Variants in EIF5 observed in about 807,000 individuals in gnomAD.
EIF5 encodes the protein eukaryotic translation initiation factor 5.
A neutral mutation model predicts 48.3 loss-of-function variants in EIF5; 10 were observed. The ratio of observed to expected loss-of-function variants is 0.21; its 90% CI spans 0.13 to 0.35. EIF5 has a LOEUF of 0.35. EIF5 is among the 10% of genes least tolerant of loss of function. EIF5 has a pLI of 1.00. For missense variants in EIF5, 397 were observed against 533.2 expected (o/e 0.74, Z 2.51); for synonymous variants, 237 against 173.1 (o/e 1.37, Z -2.90).
intron 4 of EIF5, 112 bp downstream of exon 4, chr14:103,336,229 G>A (rs1176847713): frequency 1.8e-6 from 2 of 1,087,482 alleles, no homozygotes; most frequent in African/African-American, 1.6e-5. Flanking sequence ...TACAAGTTAA[G>A]TGAGGAACCG....
In EIF5 at chr14:103,341,338, G is replaced by T; in HGVS notation, c.*286G>T. The T allele has an allele frequency of 4.1e-6, 1 of 243,016 alleles. No homozygotes were observed. Among genetic ancestry groups the T allele is most frequent in the Non-Finnish European group, 8.2e-6 (1 of 122,274 alleles). 15.1% of individuals were successfully genotyped at this position (243,016 alleles called of 1,614,324 possible). The stretch of plus-strand genomic sequence containing the variant: ...ACATTTATACAGTTATAAAAATAAA[G>T]GTTTGATTTTGGTCGTTCTTCAGAT... On this transcript the variant is annotated 3_prime_UTR_variant, in exon 12 of 12. Transcript: ENST00000216554.
Position 103,343,608 on chromosome 14 carries a change from G to A in EIF5, c.*2556G>A, listed in dbSNP as rs1206861075. 1 of 152,188 alleles carries A rather than the reference G, an allele frequency of 6.6e-6. No individual in the cohort carries two copies. Among genetic ancestry groups the A allele is most frequent in the Non-Finnish European group, 1.5e-5 (1 of 68,042 alleles). The allele number at this position is 152,188 out of a possible 1,614,324, so 9.4% of individuals were successfully genotyped here. The stretch of plus-strand genomic sequence containing the variant: ...CCACCGCTTCCCGCTTGAGAAGGGA[G>A]GGGTATCAAAATTGAGCCCCAAGCT... On this transcript the variant is annotated 3_prime_UTR_variant, in exon 12 of 12. Coordinates refer to ENST00000216554, the MANE Select transcript of EIF5 (RefSeq NM_001969.5).
intron 5 of EIF5, 111 bp from the exon 6 acceptor site, chr14:103,337,005 C>A (rs901799164): frequency 1.5e-6 from 2 of 1,342,344 alleles, no homozygotes; most frequent in South Asian, 1.5e-5. Context: ...TAAAGTAGGT[C>A]ACTGTGTGAA....
rs2089281814 is a variant in EIF5, at chr14:103,336,103, A to G, written c.140A>G (p.Asn47Ser). Reference sequence around the variant, plus strand: ...ATGGTTGACGTTGCAAAGGCGCTTAATCGGCCTCCAACGTGTAAGTAAAGC... The same window carrying G: ...ATGGTTGACGTTGCAAAGGCGCTTAGTCGGCCTCCAACGTGTAAGTAAAGC... Reference protein sequence around the residue: ...VNMVDVAKALNRPPTYPTKYF... With the variant: ...VNMVDVAKALSRPPTYPTKYF... Residue 47 changes from asparagine to serine, a missense_variant, in exon 4 of 12, where the codon AAT (asparagine) becomes AGT (serine). Physicochemically the swap from Asn to Ser is conservative, Grantham distance 46. Coordinates refer to ENST00000216554, the MANE Select transcript of EIF5 (RefSeq NM_001969.5). 1 of 1,614,084 alleles carries G rather than the reference A, an allele frequency of 6.2e-7. No individual in the cohort carries two copies. Among genetic ancestry groups the G allele is most frequent in the Admixed American group, 1.7e-5 (1 of 60,004 alleles).
In EIF5 at chr14:103,334,463, G is replaced by C. The variant is rs2089257092; in HGVS notation, c.-343G>C. 1 of 152,522 alleles carries C rather than the reference G, an allele frequency of 6.6e-6. No homozygotes were observed. Among genetic ancestry groups the C allele is most frequent in the African/African-American group, 2.4e-5 (1 of 41,340 alleles). 9.4% of individuals were successfully genotyped at this position (152,522 alleles called of 1,614,324 possible). A position where few individuals can be genotyped will look rare whatever the true frequency, so the allele number is the denominator to read the frequency against. On this transcript the variant is annotated 5_prime_UTR_variant, in exon 2 of 12. Coordinates refer to ENST00000216554, the MANE Select transcript of EIF5 (RefSeq NM_001969.5). ...CAGCCCCTCCCCGCTGCTCGGCGGC[G>C]GCACCTGGCCCGGCCGCTCCTCGCT...
Position 103,340,407 on chromosome 14 carries a change from C to G in EIF5, c.1072-20C>G. 1 of 1,594,198 alleles carries G rather than the reference C, an allele frequency of 6.3e-7. No individual in the cohort carries two copies. Among genetic ancestry groups the G allele is most frequent in the Non-Finnish European group, 8.6e-7 (1 of 1,163,678 alleles). ...TTGTTAAAATTCCTCAACTAAGAGA[C>G]TTGTACTCACATTTTTTAGGCCTCT... On this transcript the variant is annotated intron_variant, in intron 10 of 11. Transcript: ENST00000216554.
intron 11 of EIF5, 92 bp downstream of exon 11, chr14:103,340,653 TG>T: frequency 1.3e-6 from 2 of 1,495,102 alleles, no homozygotes; most frequent in South Asian, 2.6e-5. Context: ...AATGGCAGTT[TG>T]GGGTAATTTC....
intron 6 of EIF5, 98 bp from the exon 7 acceptor site, chr14:103,338,229 T>A: frequency 6.6e-7 from 1 of 1,517,218 alleles, no homozygotes; most frequent in South Asian, 1.3e-5. Flanking sequence ...TCTGAGGGGA[T>A]CCATAGGAAA....
intron 4 of EIF5, 79 bp from the exon 5 acceptor site, chr14:103,336,596 AGT>A (rs2089289790): frequency 2.9e-6 from 4 of 1,365,644 alleles, no homozygotes; most frequent in South Asian, 3.1e-5. Context: ...AAAAAAAAAA[AGT>A]GGTGTTCGTA....
chr14:103,336,145 G>A, intron 4 of EIF5, 28 bp downstream of exon 4: 1 of 1,604,634 alleles, frequency 6.2e-7, no homozygotes, highest in African/African-American at 1.3e-5. Flanking sequence ...AAGTCCACAG[G>A]GCATATTATG....
At chr14:103,335,030 C>T (rs1298457789) in intron 2 of EIF5, 2 of 152,208 alleles carry the variant, frequency 1.3e-5, no homozygotes, top group South Asian at 2.1e-4. Context: ...GGAAACGCCT[C>T]GGAGCGCGGT....
Position 103,338,728 on chromosome 14 carries a change from TAAAC to T in EIF5, c.586-5_586-2del, listed in dbSNP as rs1301419519. Reference sequence around the variant, plus strand: ...CTTTGATCAAGTAGCTCTGTTTTCATAAACAGGAAGAAGAGGAGGATGATGACTG... The same window carrying T: ...CTTTGATCAAGTAGCTCTGTTTTCATAGGAAGAAGAGGAGGATGATGACTG... On this transcript the variant is annotated splice_region_variant and splice_polypyrimidine_tract_variant and intron_variant, in intron 7 of 11. Coordinates refer to ENST00000216554, the MANE Select transcript of EIF5 (RefSeq NM_001969.5). 6.2e-7 allele frequency: 1 copy of T among 1,611,574 alleles called. No homozygotes were observed. The highest frequency in any genetic ancestry group is 1.3e-5 in the African/African-American group (1 of 74,854).
chr14:103,344,780 A>G lies in EIF5; in HGVS notation c.*3728A>G, dbSNP rs2089395017. 6.6e-6 allele frequency: 1 copy of G among 152,260 alleles called. No individual in the cohort carries two copies. The highest frequency in any genetic ancestry group is 2.4e-5 in the African/African-American group (1 of 41,472). The allele number at this position is 152,260 out of a possible 1,614,324, so 9.4% of individuals were successfully genotyped here. On this transcript the variant is annotated 3_prime_UTR_variant, in exon 12 of 12. Transcript: ENST00000216554. ...AAGCAGGGACATCTGAAAGAGACGT[A>G]TTAAGTTAACATTTTTAAAAATCCA...
In EIF5 at chr14:103,339,633, T is replaced by C. The variant is rs72708831; in HGVS notation, c.907-6T>C. The C allele has an allele frequency of 4.5e-3, 7,251 of 1,614,138 alleles. 32 individuals are homozygous for C. Among genetic ancestry groups the C allele is most frequent in the Non-Finnish European group, 4.7e-3 (5,565 of 1,179,994 alleles). ...AGATTGTTAACACCAAGGTGTCTAT[T>C]TGCAGTTTTGTCACAACAACAAAAA... On this transcript the variant is annotated splice_polypyrimidine_tract_variant and splice_region_variant and intron_variant, in intron 9 of 11. Coordinates refer to ENST00000216554, the MANE Select transcript of EIF5 (RefSeq NM_001969.5).
At chr14:103,335,528 C>T (rs984403458) in intron 2 of EIF5, 125 bp from the exon 3 acceptor site, 9 of 361,388 alleles carry the variant, frequency 2.5e-5, no homozygotes, top group South Asian at 3.3e-5. Context: ...TGCATGTGAT[C>T]TCAGATGCTT....
Position 103,336,703 on chromosome 14 carries a change from C to A in EIF5, c.181C>A (p.Leu61Met), listed in dbSNP as rs1214484219. 6.2e-7 allele frequency: 1 copy of A among 1,611,228 alleles called. No individual in the cohort carries two copies. Among genetic ancestry groups the A allele is most frequent in the Non-Finnish European group, 8.5e-7 (1 of 1,179,192 alleles). Residue 61 changes from leucine to methionine, a missense_variant, in exon 5 of 12, where the codon CTG becomes ATG. Coordinates refer to ENST00000216554, the MANE Select transcript of EIF5 (RefSeq NM_001969.5). ...TCCCACCAAATATTTTGGTTGTGAG[C>A]TGGGAGCACAGACCCAGTTTGATGT... The part of the protein sequence containing the change: ...TYPTKYFGCE[L>M]GAQTQFDVKN...
Position 103,343,181 on chromosome 14 carries a change from T to G in EIF5, c.*2129T>G, listed in dbSNP as rs1252311052. On this transcript the variant is annotated 3_prime_UTR_variant, in exon 12 of 12. Transcript: ENST00000216554. ...TAATGATAAAATTGTATTTTGTCTT[T>G]GCTTTAATATTAAAGTTAACAAGTT... The G allele has an allele frequency of 6.6e-6, 1 of 152,660 alleles. No individual in the cohort carries two copies. Among genetic ancestry groups the G allele is most frequent in the East Asian group, 1.9e-4 (1 of 5,200 alleles). 9.5% of individuals were successfully genotyped at this position (152,660 alleles called of 1,614,324 possible). A position where few individuals can be genotyped will look rare whatever the true frequency, so the allele number is the denominator to read the frequency against.
In EIF5 at chr14:103,338,773, T is replaced by G. The variant is rs747160865; in HGVS notation, c.624T>G (p.Thr208=). The change falls in exon 8 of 12, where the codon ACT becomes ACG. Residue 208 remains threonine (T), a synonymous_variant. Coordinates refer to ENST00000216554, the MANE Select transcript of EIF5 (RefSeq NM_001969.5). ...ATGATGACTGGGGAGAAGATACAAC[T>G]GAGGAAGCTCAAAGGCGTCGAATGG... ...EEDDDWGEDT[T]EEAQRRRMDE... 4 of 1,614,142 alleles carry G rather than the reference T, an allele frequency of 2.5e-6. No homozygotes were observed. The East Asian group carries it at 8.9e-5, about 36-fold the overall frequency.
At chr14:103,337,320 G>A (rs2140359631) in intron 6 of EIF5, 93 bp downstream of exon 6, 1 of 1,096,854 alleles carries the variant, frequency 9.1e-7, no homozygotes, top group Non-Finnish European at 1.3e-6. Context: ...GGAATGTAAG[G>A]GAGACTGGGC....
Sources: allele counts gnomAD v4.1 joint callset, GRCh38; gene constraint gnomAD v4.1.1; transcripts MANE v1.5; gene names NCBI Gene and HGNC (gene_info 2026-07-23, HGNC 2026-07-21).